Variants in THSD7B observed in about 807,000 individuals in gnomAD.
THSD7B encodes thrombospondin type-1 domain-containing protein 7B.
Under a neutral mutation model 213.6 loss-of-function variants are expected in THSD7B, and 138 were observed. The ratio of observed to expected loss-of-function variants is 0.65; its 90% confidence interval spans 0.56 to 0.74. THSD7B has a LOEUF of 0.74. THSD7B is among the 30% of genes least tolerant of loss of function. The pLI is 0.00. For missense variants in THSD7B, 1,931 were observed against 1,991.5 expected (o/e 0.97, Z 0.58); for synonymous variants, 742 against 687.0 (o/e 1.08, Z -1.25).
At chr2:137,079,486 A>G (rs1305337740) in intron 3 of THSD7B, among the ~76,000 whole-genome samples, 1 of 152,138 alleles carries the variant, frequency 6.6e-6, no homozygotes, top group African/African-American at 2.4e-5. Flanking sequence ...TGTCTCTTCT[A>G]ATGCTTTTTG....
At position 137,563,304 on chromosome 2, in the gene THSD7B, T is replaced by C. The variant is rs1418540533; in HGVS notation, c.3222T>C (p.Asn1074=). 1 of 1,613,014 alleles carries C rather than the reference T, an allele frequency of 6.2e-7. No individual in the cohort carries two copies. The highest frequency in any genetic ancestry group is 8.5e-7 in the Non-Finnish European group (1 of 1,179,260). ...VEHWSSCKIN[N]ELRSLRCGGG... is the part of the protein sequence containing the mutation. ...ACTGGTCTTCATGCAAAATCAACAA[T>C]GAGCTGAGGTCCCTGCGCTGTGGAG... The change falls in exon 16 of 28, where the codon AAT becomes AAC. Residue 1074 remains asparagine (N), a synonymous_variant. Transcript: ENST00000409968.
At chr2:137,567,133 C>T (rs1197090348) in intron 16 of THSD7B, among the ~76,000 whole-genome samples, 3 of 137,590 alleles carry the variant, frequency 2.2e-5, no homozygotes, top group Non-Finnish European at 3.1e-5. Context: ...GTGACATGCT[C>T]TATTTTATTT....
At chr2:136,798,624 A>G (rs1682114828) in intron 1 of THSD7B, among the ~76,000 whole-genome samples, 1 of 151,894 alleles carries the variant, frequency 6.6e-6, no homozygotes, top group South Asian at 2.1e-4. Flanking sequence ...CAGGTCAGGG[A>G]CCACTGACCT....
intron 17 of THSD7B, among the ~76,000 whole-genome samples, chr2:137,584,829 A>T (rs1468348880): frequency 6.6e-6 from 1 of 152,212 alleles, no homozygotes; most frequent in Non-Finnish European, 1.5e-5. Flanking sequence ...AGGCTTTGGT[A>T]TCAGGATGAT....
chr2:137,526,559 C>T lies in THSD7B; in HGVS notation c.3139-36662C>T, dbSNP rs188151015. ...GTCTCAGCCTCCTGAGTAGCTGGGG[C>T]CACAGGTGCGTACCACCACATCCCA... is the stretch of plus-strand genomic sequence containing the variant. On this transcript the variant is annotated intron_variant, in intron 15 of 27. Transcript: ENST00000409968. Among the ~76,000 whole-genome samples, 15 of 151,950 alleles carry T rather than the reference C, an allele frequency of 9.9e-5. No homozygotes were observed. The East Asian group carries it at 2.9e-3, about 30-fold the overall frequency.
chr2:136,891,549 A>C (rs1426715334), intron 2 of THSD7B, among the ~76,000 whole-genome samples: 1 of 152,214 alleles, frequency 6.6e-6, no homozygotes, highest in Admixed American at 6.5e-5. Context: ...AAAAGATAGA[A>C]GCTCAGACCT....
At chr2:137,526,875 A>C (rs1680290194) in intron 15 of THSD7B, among the ~76,000 whole-genome samples, 1 of 152,142 alleles carries the variant, frequency 6.6e-6, no homozygotes, top group Non-Finnish European at 1.5e-5. Flanking sequence ...AAGAATGAGC[A>C]GGTTGAAAAT....
At chr2:137,157,261 C>CTG (rs1430555682) in intron 5 of THSD7B, among the ~76,000 whole-genome samples, 1 of 152,204 alleles carries the variant, frequency 6.6e-6, no homozygotes, top group Non-Finnish European at 1.5e-5. Flanking sequence ...TCATTGTGAG[C>CTG]TGGTGCCCCA....
At chr2:137,092,973 A>T (rs1687977981) in intron 3 of THSD7B, among the ~76,000 whole-genome samples, 1 of 152,144 alleles carries the variant, frequency 6.6e-6, no homozygotes. Flanking sequence ...CAGAGGAACC[A>T]TTACCAAAAT....
intron 2 of THSD7B, among the ~76,000 whole-genome samples, chr2:137,031,546 A>G (rs1370262731): frequency 6.6e-6 from 1 of 152,154 alleles, no homozygotes; most frequent in Non-Finnish European, 1.5e-5. Context: ...TCATCGGTAC[A>G]TATCTAGGGA....
chr2:137,072,644 A>G (rs907058696), intron 3 of THSD7B, among the ~76,000 whole-genome samples: 1 of 152,116 alleles, frequency 6.6e-6, no homozygotes, highest in Non-Finnish European at 1.5e-5. Flanking sequence ...CACTGTGTTG[A>G]ATAGGAGTGG....
chr2:137,072,328 T>A (rs1442314245), intron 3 of THSD7B, among the ~76,000 whole-genome samples: 1 of 152,314 alleles, frequency 6.6e-6, no homozygotes, highest in East Asian at 1.9e-4. Flanking sequence ...TTCACATCCC[T>A]TGTAAGTTGG....
At chr2:137,359,571 A>T (rs536578837) in intron 12 of THSD7B, among the ~76,000 whole-genome samples, 1 of 152,224 alleles carries the variant, frequency 6.6e-6, no homozygotes, top group South Asian at 2.1e-4. Flanking sequence ...AATAGAGATG[A>T]CGGGATGCTA....
At chr2:137,211,427 A>G (rs572800484) in intron 7 of THSD7B, among the ~76,000 whole-genome samples, 1 of 139,708 alleles carries the variant, frequency 7.2e-6, no homozygotes, top group Non-Finnish European at 1.6e-5. Context: ...GATTTTCTCA[A>G]TAAAGCCAGT....
intron 7 of THSD7B, among the ~76,000 whole-genome samples, chr2:137,211,837 T>G (rs1681119664): frequency 6.6e-6 from 1 of 152,122 alleles, no homozygotes; most frequent in African/African-American, 2.4e-5. Flanking sequence ...ATTATCACAT[T>G]ATGGAAAGAA....
At chr2:137,635,601 C>T (rs957393230) in intron 20 of THSD7B, among the ~76,000 whole-genome samples, 1 of 152,064 alleles carries the variant, frequency 6.6e-6, no homozygotes, top group Non-Finnish European at 1.5e-5. Flanking sequence ...TTTATGTACT[C>T]ATTACAGGCA....
intron 1 of THSD7B, among the ~76,000 whole-genome samples, chr2:136,847,894 C>G (rs1683036616): frequency 6.6e-6 from 1 of 152,076 alleles, no homozygotes; most frequent in Non-Finnish European, 1.5e-5. Flanking sequence ...ACCATGCAGC[C>G]CAGCTTAGCC....
At chr2:137,174,508 T>A (rs1194573423) in intron 7 of THSD7B, among the ~76,000 whole-genome samples, 1 of 152,204 alleles carries the variant, frequency 6.6e-6, no homozygotes, top group Admixed American at 6.5e-5. Context: ...GTGGTCTACT[T>A]TGGGTTATCT....
intron 2 of THSD7B, among the ~76,000 whole-genome samples, chr2:136,908,526 C>G (rs528049425): frequency 2.6e-5 from 4 of 152,194 alleles, no homozygotes; most frequent in Admixed American, 6.5e-5. Flanking sequence ...TTTGATATGA[C>G]TGAAATCCAT....
Sources: allele counts gnomAD v4.1 joint callset (sites outside exome capture counted in the v4.1 genomes callset), GRCh38; gene constraint gnomAD v4.1.1; transcripts MANE v1.5; gene names NCBI Gene and HGNC (gene_info 2026-07-23, HGNC 2026-07-21).